CLXN: variants seen among roughly 807,000 people sequenced by gnomAD.
CLXN encodes the protein EF-hand calcium binding domain 1.
chr8:48,719,871 A>G, the CLXN span, among the ~76,000 whole-genome samples: 2 of 152,212 alleles, frequency 1.3e-5, no homozygotes. Context: ...CATTCTTGCC[A>G]TTTCTATTTA....
At chr8:48,728,558 C>G in the CLXN span, among the ~76,000 whole-genome samples, 7 of 152,146 alleles carry the variant, frequency 4.6e-5, no homozygotes, top group African/African-American at 1.7e-4. Context: ...TGCCTAAACT[C>G]TCCAAGCCTT....
At chr8:48,731,732 A>G in the CLXN span, among the ~76,000 whole-genome samples, 1 of 152,094 alleles carries the variant, frequency 6.6e-6, no homozygotes, top group Non-Finnish European at 1.5e-5. Context: ...ATACGATAGT[A>G]TTAGCCAAGT....
chr8:48,728,948 A>T, the CLXN span: 1 of 770,122 alleles, frequency 1.3e-6, no homozygotes, highest in South Asian at 2.1e-5. Context: ...CTTGGTGGAC[A>T]GGATTTGTCT....
At chr8:48,727,661 C>T in the CLXN span, among the ~76,000 whole-genome samples, 5,663 of 152,084 alleles carry the variant, frequency 0.037, 342 homozygotes, top group African/African-American at 0.13. Context: ...GGGAAATGGC[C>T]CACTGGGTCC....
At chr8:48,729,705 A>G in the CLXN span, 2 of 1,586,436 alleles carry the variant, frequency 1.3e-6, no homozygotes, top group African/African-American at 1.3e-5. Context: ...AAAACTTGAC[A>G]TTACCCATAT....
the CLXN span, chr8:48,730,583 T>G: frequency 1.2e-6 from 2 of 1,612,138 alleles, no homozygotes; most frequent in Non-Finnish European, 1.7e-6. Flanking sequence ...ACAGTGATAA[T>G]CCATGAATCC....
At chr8:48,722,909 C>T in the CLXN span, among the ~76,000 whole-genome samples, 1 of 152,070 alleles carries the variant, frequency 6.6e-6, no homozygotes, top group African/African-American at 2.4e-5. Flanking sequence ...ACAAATACTG[C>T]ATGTTCTCAC....
chr8:48,723,317 T>C, the CLXN span: 1 of 152,230 alleles, frequency 6.6e-6, no homozygotes, highest in Non-Finnish European at 1.5e-5. Flanking sequence ...TTGTGTTGCA[T>C]TATTTATATT....
chr8:48,732,053 C>T, the CLXN span, among the ~76,000 whole-genome samples: 1,114 of 152,040 alleles, frequency 7.3e-3, 9 homozygotes, highest in Middle Eastern at 0.014. Context: ...TTGAGGATTA[C>T]GTAAAAATTA....
At chr8:48,731,530 A>T in the CLXN span, 1 of 1,559,088 alleles carries the variant, frequency 6.4e-7, no homozygotes, top group East Asian at 2.4e-5. Context: ...GATATAACAA[A>T]AATGAACCCT....
the CLXN span, among the ~76,000 whole-genome samples, chr8:48,726,988 C>CA: frequency 6.7e-6 from 1 of 148,282 alleles, no homozygotes; most frequent in Admixed American, 6.7e-5. Context: ...CCACCTCATC[C>CA]ATCCACTCAT....
the CLXN span, chr8:48,723,596 T>G: frequency 6.6e-6 from 1 of 152,248 alleles, no homozygotes; most frequent in African/African-American, 2.4e-5. Context: ...GCTTACTGTG[T>G]GTACCAAGAA....
chr8:48,730,862 A>G, the CLXN span, among the ~76,000 whole-genome samples: 8 of 152,188 alleles, frequency 5.3e-5, no homozygotes, highest in Non-Finnish European at 1.2e-4. Context: ...AACAAATACA[A>G]TTCTCAATGT....
chr8:48,721,473 G>C, the CLXN span, among the ~76,000 whole-genome samples: 6 of 152,182 alleles, frequency 3.9e-5, no homozygotes, highest in East Asian at 1.2e-3. Context: ...AATTCATATG[G>C]AACCAGAAAA....
At chr8:48,733,818 A>T in the CLXN span, among the ~76,000 whole-genome samples, 1 of 152,198 alleles carries the variant, frequency 6.6e-6, no homozygotes, top group South Asian at 2.1e-4. Flanking sequence ...ACAGAGACTA[A>T]ATCAAATTCA....
chr8:48,729,631 A>T, the CLXN span: 1 of 1,236,994 alleles, frequency 8.1e-7, no homozygotes, highest in Non-Finnish European at 1.1e-6. Flanking sequence ...CAAGCAGAGA[A>T]CTGAAAATTA....
chr8:48,715,859 C>T, the CLXN span: 7 of 152,264 alleles, frequency 4.6e-5, no homozygotes, highest in African/African-American at 1.7e-4. Flanking sequence ...ACCAATGAAA[C>T]ATGACTGATT....
At chr8:48,722,050 C>T in the CLXN span, among the ~76,000 whole-genome samples, 1 of 152,088 alleles carries the variant, frequency 6.6e-6, no homozygotes, top group Non-Finnish European at 1.5e-5. Context: ...TGGTTAATGT[C>T]TAAAATATAT....
the CLXN span, chr8:48,729,859 A>T: frequency 3.7e-6 from 6 of 1,606,022 alleles, no homozygotes; most frequent in Non-Finnish European, 5.1e-6. Context: ...CAAATCAAAC[A>T]CTTCAAAGCA....
Sources: allele counts gnomAD v4.1 joint callset (sites outside exome capture counted in the v4.1 genomes callset), GRCh38; gene constraint gnomAD v4.1.1; transcripts MANE v1.5; gene names NCBI Gene and HGNC (gene_info 2026-07-23, HGNC 2026-07-21).